Variants in HYDIN observed in about 807,000 individuals in gnomAD.
HYDIN encodes the protein HYDIN axonemal central pair apparatus protein.
In HYDIN, 132 loss-of-function variants were observed where a neutral mutation model predicts 403.9. That is an observed-to-expected ratio of 0.33 (90% CI 0.28 to 0.38). The LOEUF (loss-of-function observed/expected upper bound fraction) is 0.38, where lower values mean the gene tolerates loss of function less well. HYDIN is among the 10% of genes least tolerant of loss of function. The pLI, the probability that HYDIN is intolerant of heterozygous loss-of-function variation, is 1.00. For missense variants in HYDIN, 2,827 were observed against 5,009.5 expected (o/e 0.56, Z 13.15); for synonymous variants, 1,202 against 1,891.7 (o/e 0.64, Z 9.46).
chr16:70,840,596 T>C (rs966360261), intron 75 of HYDIN, among the ~76,000 whole-genome samples: 9 of 152,178 alleles, frequency 5.9e-5, no homozygotes, highest in Non-Finnish European at 1.3e-4. Flanking sequence ...ACACCTTCCT[T>C]TGAAGCTCAG....
intron 4 of HYDIN, 89 bp downstream of exon 4, chr16:71,178,839 C>T: frequency 9.1e-7 from 1 of 1,098,502 alleles, no homozygotes; most frequent in Non-Finnish European, 1.3e-6. Context: ...AATTAAAGAA[C>T]TTATCAAAGA....
Position 71,093,867 on chromosome 16 carries a change from C to G in HYDIN, c.1396G>C (p.Glu466Gln), listed in dbSNP as rs577066918. The change falls in exon 11 of 86, where the codon GAA (glutamate) becomes CAA (glutamine). Residue 466 changes from glutamate to glutamine, a missense_variant. Glu to Gln is a conservative substitution (Grantham distance 29). Coordinates refer to ENST00000393567, the MANE Select transcript of HYDIN (RefSeq NM_001270974.2). The stretch of plus-strand genomic sequence containing the variant: ...AAAACTTTCCCAATATCCAGCAATT[C>G]AAAGTTGAAGTGAATCTTAGGTCCC... ...GMGPKIHFNF[E>Q]LLDIGKVFTG... 1.5e-5 allele frequency: 24 copies of G among 1,613,606 alleles called. No individual in the cohort carries two copies. The East Asian group carries it at 5.3e-4, about 36-fold the overall frequency.
intron 62 of HYDIN, among the ~76,000 whole-genome samples, chr16:70,878,852 G>A (rs1050045007): frequency 7.1e-6 from 1 of 140,604 alleles, no homozygotes; most frequent in Non-Finnish European, 1.5e-5. Flanking sequence ...GTCCCTTGTA[G>A]AGCACAATAC....
chr16:70,923,545 G>A (rs13332273), intron 45 of HYDIN, among the ~76,000 whole-genome samples: 2,576 of 119,442 alleles, frequency 0.022, 87 homozygotes, highest in African/African-American at 0.077. Flanking sequence ...GCTCAAGCCT[G>A]TAATCCCAGC....
rs545589951 is a variant in HYDIN at position 71,048,086 on chromosome 16, T to C, written c.2529+12418A>G. Among the ~76,000 whole-genome samples, 6 of 145,980 alleles carry C rather than the reference T, an allele frequency of 4.1e-5. No individual in the cohort carries two copies. The East Asian group carries it at 1.2e-3, about 30-fold the overall frequency. ...TAGCTCCCACATATGAGTGAGAACA[T>C]GTGGTATTTATCTTTCTGTGCCTGG... On this transcript the variant is annotated intron_variant, in intron 18 of 85. Transcript: ENST00000393567.
At chr16:70,867,857 TG>T (rs1255083120) in intron 66 of HYDIN, among the ~76,000 whole-genome samples, 2 of 149,216 alleles carry the variant, frequency 1.3e-5, no homozygotes, top group Non-Finnish European at 3.0e-5. Context: ...TTGGTAGAGA[TG>T]GGATTTCACC....
intron 84 of HYDIN, among the ~76,000 whole-genome samples, chr16:70,813,117 T>C (rs1401389505): frequency 6.6e-6 from 1 of 152,054 alleles, no homozygotes; most frequent in Non-Finnish European, 1.5e-5. Context: ...CATGGCCGGC[T>C]AATTTTTGTA....
chr16:71,020,087 T>C (rs2080425397), intron 22 of HYDIN, 87 bp downstream of exon 22: 1 of 1,194,428 alleles, frequency 8.4e-7, no homozygotes, highest in Non-Finnish European at 1.2e-6. Flanking sequence ...GAGCTGAAGT[T>C]GGGTGGTGTA....
chr16:70,824,061 T>C (rs968110631), intron 83 of HYDIN, among the ~76,000 whole-genome samples: 4 of 149,836 alleles, frequency 2.7e-5, no homozygotes, highest in African/African-American at 5.0e-5. Flanking sequence ...GTTTTATATG[T>C]TTTTTTTTTA....
In HYDIN at chr16:70,818,466, C is replaced by T. The variant is rs1361864510; in HGVS notation, c.14534G>A (p.Arg4845Gln). 4.5e-5 allele frequency: 69 copies of T among 1,544,496 alleles called. No homozygotes were observed. Among genetic ancestry groups the T allele is most frequent in the Non-Finnish European group, 5.4e-5 (61 of 1,127,426 alleles). ...CTTGATGGAGGCTGACGCAACTTGC[C>T]GGACTGGGGTCACCATCTCGATGGT... ...IKTIEMVTPV[R>Q]QVASASIKLE... Residue 4845 changes from arginine (R) to glutamine (Q), a missense_variant, in exon 84 of 86, where the codon CGG becomes CAG. Arg to Gln is a conservative substitution (Grantham distance 43, BLOSUM62 1). Coordinates refer to ENST00000393567, the MANE Select transcript of HYDIN (RefSeq NM_001270974.2).
rs201583096 is a variant in HYDIN at position 70,868,596 on chromosome 16, G to C, written c.11284C>G (p.Pro3762Ala). The C allele has an allele frequency of 2.5e-6, 4 of 1,612,994 alleles. No individual in the cohort carries two copies. Among genetic ancestry groups the C allele is most frequent in the Non-Finnish European group, 3.4e-6 (4 of 1,179,892 alleles). Residue 3762 changes from proline (P) to alanine (A), a missense_variant, in exon 66 of 86, where the codon CCT becomes GCT. Pro to Ala is a conservative substitution (Grantham distance 27). Transcript: ENST00000393567. ...TTTCGTTTTGTAGTGAAAGTCCCAGGCATGTTTCTGGGTACGTCCACCCAC... is the reference window on the plus strand; with the variant it reads ...TTTCGTTTTGTAGTGAAAGTCCCAGCCATGTTTCTGGGTACGTCCACCCAC... ...VKWVDVPRNMPGTFTTKRKVI... is the reference protein window; with the variant it reads ...VKWVDVPRNMAGTFTTKRKVI...
intron 67 of HYDIN, 57 bp downstream of exon 67, chr16:70,866,112 G>GAGTC (rs2039735056): frequency 7.5e-7 from 1 of 1,331,852 alleles, no homozygotes. Flanking sequence ...GTGAGTGAGT[G>GAGTC]AATGATGGAA....
rs1479682103 is a variant in HYDIN, at chr16:71,183,103, A to G, written c.261+1762T>C. Among the ~76,000 whole-genome samples, 5 of 152,100 alleles carry G rather than the reference A, an allele frequency of 3.3e-5. No homozygotes were observed. In the East Asian group the frequency reaches 9.6e-4, roughly 29 times the overall value. The stretch of plus-strand genomic sequence containing the variant: ...AGAATGAGATGGAAATAGGAAGGCT[A>G]TGTCAGTATTCTAGATAATGGTGGC... On this transcript the variant is annotated intron_variant, in intron 3 of 85. Coordinates refer to ENST00000393567, the MANE Select transcript of HYDIN (RefSeq NM_001270974.2).
intron 55 of HYDIN, chr16:70,893,575 T>G (rs1450354648): frequency 6.6e-6 from 1 of 151,886 alleles, no homozygotes; most frequent in Non-Finnish European, 1.5e-5. Flanking sequence ...TGGAGTGCAG[T>G]GGCACGATCA....
intron 7 of HYDIN, among the ~76,000 whole-genome samples, chr16:71,139,803 A>G (rs2085097910): frequency 6.6e-6 from 1 of 152,020 alleles, no homozygotes; most frequent in African/African-American, 2.4e-5. Flanking sequence ...AGGAGAGGAA[A>G]GAGATAATGA....
rs1428549516 is a variant in HYDIN at position 70,802,822 on chromosome 16, T to C, written c.*4758A>G. On this transcript the variant is annotated 3_prime_UTR_variant, in exon 86 of 86. Coordinates refer to ENST00000393567, the MANE Select transcript of HYDIN (RefSeq NM_001270974.2). ...AATCCATAAAAAATGTATTCTCCTA[T>C]ACAGGTGGGGTTTTCATAGTTGTTA... is the stretch of plus-strand genomic sequence containing the variant. 1 of 152,238 alleles carries C rather than the reference T, an allele frequency of 6.6e-6. No homozygotes were observed. The highest frequency in any genetic ancestry group is 2.4e-5 in the African/African-American group (1 of 41,458). 9.4% of individuals were successfully genotyped at this position (152,238 alleles called of 1,614,324 possible).
Position 70,809,911 on chromosome 16 carries a change from G to A in HYDIN, c.14755C>T (p.Leu4919Phe), listed in dbSNP as rs2143422164. 1.2e-6 allele frequency: 2 copies of A among 1,614,182 alleles called. No homozygotes were observed. The highest frequency in any genetic ancestry group is 4.5e-5 in the East Asian group (2 of 44,888). ...NTDLGYYQYE[L>F]YLKATPALPE... is the part of the protein sequence containing the mutation. ...AGTGCTGGCGTGGCTTTCAGATAGA[G>A]CTCATATTGGTAGTAACCCAAGTCA... is the stretch of plus-strand genomic sequence containing the variant. Residue 4919 changes from leucine (L) to phenylalanine (F), a missense_variant, in exon 85 of 86, where the codon CTC becomes TTC. Transcript: ENST00000393567.
intron 80 of HYDIN, among the ~76,000 whole-genome samples, chr16:70,831,818 TAGAGA>T (rs1248735305): frequency 4.5e-5 from 6 of 132,026 alleles, no homozygotes; most frequent in African/African-American, 1.2e-4. Context: ...GGCAATTCAG[TAGAGA>T]AAAGAGTCTT....
In HYDIN at chr16:70,862,062, G is replaced by C; in HGVS notation, c.11763C>G (p.Ser3921Arg). The change falls in exon 69 of 86, where the codon AGC becomes AGG. Residue 3921 changes from serine to arginine, a missense_variant. By Grantham distance (110) the Ser-to-Arg change is moderately radical. Coordinates refer to ENST00000393567, the MANE Select transcript of HYDIN (RefSeq NM_001270974.2). Reference protein sequence around the residue: ...FSPLDIGDFESNLFCQIPNLP... With the variant: ...FSPLDIGDFERNLFCQIPNLP... Reference sequence around the variant, plus strand: ...CATTTTCTTACTGGCAGAAAAGGTTGCTCTCGAAGTCTCCAATGTCCAACG... The same window carrying C: ...CATTTTCTTACTGGCAGAAAAGGTTCCTCTCGAAGTCTCCAATGTCCAACG... 1 of 1,590,084 alleles carries C rather than the reference G, an allele frequency of 6.3e-7. No individual in the cohort carries two copies. The highest frequency in any genetic ancestry group is 8.6e-7 in the Non-Finnish European group (1 of 1,168,112).
Sources: gnomAD v4.1 joint callset for allele counts (sites outside exome capture counted in the v4.1 genomes callset) on GRCh38, gnomAD v4.1.1 for gene constraint, MANE v1.5 for transcripts, NCBI Gene and HGNC (gene_info 2026-07-23, HGNC 2026-07-21) for gene names.